Variants in IL10RB observed in about 807,000 individuals in gnomAD.
IL10RB encodes the protein interleukin 10 receptor subunit beta.
IL10RB carries 30 observed loss-of-function variants against 38.7 expected under a neutral mutation model. That is an observed-to-expected ratio of 0.78 (90% confidence interval 0.58 to 1.05). The LOEUF is 1.05. Ranked by LOEUF, IL10RB falls within the 50% of genes least tolerant of loss-of-function variation. The probability of loss-of-function intolerance (pLI) is 0.00; values close to 1 mark genes in which losing one functional copy is unlikely to be tolerated. For missense variants in IL10RB, 328 were observed against 397.1 expected, an observed-to-expected ratio of 0.83 and a Z score of 1.48; for synonymous variants, 142 against 145.9, an observed-to-expected ratio of 0.97 and a Z score of 0.19.
At chr21:33,270,649 C>G (rs955071355) in intron 2 of IL10RB, among the ~76,000 whole-genome samples, 1 of 151,288 alleles carries the variant, frequency 6.6e-6, no homozygotes, top group Non-Finnish European at 1.5e-5. Context: ...GCTGGGATTA[C>G]AGGCGTGAGC....
chr21:33,266,829 T>G (rs1421368525), intron 1 of IL10RB, among the ~76,000 whole-genome samples: 1 of 152,100 alleles, frequency 6.6e-6, no homozygotes, highest in Non-Finnish European at 1.5e-5. Flanking sequence ...ATAAAGTAGC[T>G]TCCCCAAAAG....
chr21:33,295,323 A>T (rs1200310460), intron 6 of IL10RB, among the ~76,000 whole-genome samples: 1 of 141,120 alleles, frequency 7.1e-6, no homozygotes, highest in East Asian at 2.0e-4. Flanking sequence ...GCACCACTGC[A>T]CTCCAGCCTG....
chr21:33,302,217 A>G (rs1293685977), downstream of IL10RB, among the ~76,000 whole-genome samples: 1 of 152,210 alleles, frequency 6.6e-6, no homozygotes, highest in Non-Finnish European at 1.5e-5. Context: ...TGTTCTAAAA[A>G]CAAGAGGCTG....
In IL10RB at chr21:33,288,262, G is replaced by T. The variant is rs1243637335; in HGVS notation, c.804+1G>T. 3 of 1,613,344 alleles carry T rather than the reference G, an allele frequency of 1.9e-6. No individual in the cohort carries two copies. The highest frequency in any genetic ancestry group is 2.5e-6 in the Non-Finnish European group (3 of 1,179,448). On this transcript the variant is annotated splice_donor_variant, in intron 6 of 6. Coordinates refer to ENST00000290200, the MANE Select transcript of IL10RB (RefSeq NM_000628.5). LOFTEE classifies it high-confidence loss of function. Reference sequence around the variant, plus strand: ...TTCTCTTCCACAGCACCTGAAAGAGGTAGGTAGGATGGAGTGAGATGTGGA... The same window carrying T: ...TTCTCTTCCACAGCACCTGAAAGAGTTAGGTAGGATGGAGTGAGATGTGGA...
At chr21:33,268,216 C>A in intron 1 of IL10RB, 178 bp from the exon 2 acceptor site, 1 of 1,512,926 alleles carries the variant, frequency 6.6e-7, no homozygotes, top group South Asian at 1.2e-5. Flanking sequence ...TTTCTCCTCA[C>A]GGCTGTTCAA....
At chr21:33,285,512 G>C (rs1438907674) in intron 5 of IL10RB, among the ~76,000 whole-genome samples, 1 of 152,118 alleles carries the variant, frequency 6.6e-6, no homozygotes, top group Non-Finnish European at 1.5e-5. Flanking sequence ...TGCAGAGCAG[G>C]GTCCTCTCTC....
chr21:33,301,338 T>G (rs2082985367), downstream of IL10RB, among the ~76,000 whole-genome samples: 1 of 152,242 alleles, frequency 6.6e-6, no homozygotes, highest in Non-Finnish European at 1.5e-5. Flanking sequence ...ACAATGTCTT[T>G]GTTTCCATGC....
intron 6 of IL10RB, among the ~76,000 whole-genome samples, chr21:33,290,925 G>C (rs1007670651): frequency 6.6e-6 from 1 of 152,184 alleles, no homozygotes. Context: ...CACGGTTCTC[G>C]AGGCCAGACG....
intron 2 of IL10RB, among the ~76,000 whole-genome samples, chr21:33,270,889 G>T (rs555786316): frequency 9.9e-5 from 15 of 151,304 alleles, no homozygotes; most frequent in Admixed American, 2.6e-4. Flanking sequence ...TGGCCGAGCT[G>T]GTCTTGAACT....
intron 2 of IL10RB, among the ~76,000 whole-genome samples, chr21:33,276,208 T>C (rs1392865137): frequency 6.6e-6 from 1 of 152,204 alleles, no homozygotes; most frequent in Non-Finnish European, 1.5e-5. Flanking sequence ...ATCATTATCT[T>C]AGGGCATCAA....
chr21:33,283,617 G>A (rs1406325226), intron 5 of IL10RB, among the ~76,000 whole-genome samples: 1 of 152,174 alleles, frequency 6.6e-6, no homozygotes, highest in Non-Finnish European at 1.5e-5. Context: ...TTCCTCCCCA[G>A]GCGGCACATC....
exon 2 of IL10RB, chr21:33,309,286 A>C (rs2083006339): frequency 6.6e-6 from 1 of 152,224 alleles, no homozygotes; most frequent in Non-Finnish European, 1.5e-5. Context: ...AGGATTGACA[A>C]ATGAGGACTC....
intron 6 of IL10RB, among the ~76,000 whole-genome samples, chr21:33,289,759 C>T (rs2123595310): frequency 6.6e-6 from 1 of 152,252 alleles, no homozygotes; most frequent in South Asian, 2.1e-4. Context: ...GAAATGCTCC[C>T]ACTCTGGGAA....
rs148215894 is a variant in IL10RB at position 33,268,536 on chromosome 21, T to C, written c.173+19T>C. 774 of 1,583,664 alleles carry C rather than the reference T, an allele frequency of 4.9e-4. 6 individuals carry two copies. The African/African-American group carries it at 8.6e-3, about 18-fold the overall frequency. On this transcript the variant is annotated intron_variant, in intron 2 of 6. Coordinates refer to ENST00000290200, the MANE Select transcript of IL10RB (RefSeq NM_000628.5). ...ACCTAAGGTGGGTCTGGCCTCACTA[T>C]TGGCAGGAACGCACCGGAGGAGCCA... is the stretch of plus-strand genomic sequence containing the variant.
intron 1 of IL10RB, among the ~76,000 whole-genome samples, chr21:33,303,947 A>G (rs1469682069): frequency 6.6e-6 from 1 of 152,186 alleles, no homozygotes; most frequent in African/African-American, 2.4e-5. Flanking sequence ...AAGGGAGGGA[A>G]GAGAGGGGCT....
chr21:33,305,762 C>T (rs1207354000), intron 1 of IL10RB, among the ~76,000 whole-genome samples: 1 of 152,172 alleles, frequency 6.6e-6, no homozygotes, highest in African/African-American at 2.4e-5. Context: ...TGATCTTGGG[C>T]TGATGCCTCC....
intron 6 of IL10RB, among the ~76,000 whole-genome samples, chr21:33,289,383 C>A (rs568611385): frequency 6.6e-6 from 1 of 152,218 alleles, no homozygotes; most frequent in Non-Finnish European, 1.5e-5. Flanking sequence ...CCAGCCCCCA[C>A]CGCTGCTGCT....
chr21:33,272,141 A>T (rs113332100), intron 2 of IL10RB, among the ~76,000 whole-genome samples: 3 of 152,322 alleles, frequency 2.0e-5, no homozygotes, highest in South Asian at 2.1e-4. Context: ...AAATAGCATG[A>T]TCCCAATGAT....
intron 2 of IL10RB, 87 bp from the exon 3 acceptor site, chr21:33,276,509 G>C: frequency 9.7e-7 from 1 of 1,025,988 alleles, no homozygotes; most frequent in Non-Finnish European, 1.5e-6. Context: ...CTCCCGCGCC[G>C]CCCCCCCCTC....
Sources: allele counts gnomAD v4.1 joint callset (sites outside exome capture counted in the v4.1 genomes callset), GRCh38; gene constraint gnomAD v4.1.1; transcripts MANE v1.5; gene names NCBI Gene and HGNC (gene_info 2026-07-23, HGNC 2026-07-21).